Variants in PPP2R2D observed in about 807,000 individuals in gnomAD.
PPP2R2D encodes protein phosphatase 2 regulatory subunit Bdelta.
Under a neutral mutation model 31.1 loss-of-function variants are expected in PPP2R2D, and 9 were observed. The observed-to-expected ratio is 0.29, with a 90% CI of 0.17 to 0.51. The LOEUF is 0.51. PPP2R2D is among the 20% of genes least tolerant of loss of function. The pLI is 0.98. For synonymous variants in PPP2R2D, 179 were observed against 172.6 expected (o/e 1.04, Z -0.29); for missense variants, 391 against 465.6 (o/e 0.84, Z 1.48).
At chr10:131,944,960 G>T (rs781853480) in intron 6 of PPP2R2D, among the ~76,000 whole-genome samples, 15 of 152,122 alleles carry the variant, frequency 9.9e-5, no homozygotes, top group Non-Finnish European at 2.2e-4. Flanking sequence ...TGCACAGATG[G>T]TACTAGCTTG....
At chr10:131,952,486 CGG>C (rs1274073646) in intron 8 of PPP2R2D, among the ~76,000 whole-genome samples, 1 of 33,530 alleles carries the variant, frequency 3.0e-5, no homozygotes, top group African/African-American at 1.3e-4. Context: ...ACTTGGTGTG[CGG>C]GGGGGTTCAC....
chr10:131,901,987 C>T (rs1357689823), intron 2 of PPP2R2D, among the ~76,000 whole-genome samples: 1 of 152,164 alleles, frequency 6.6e-6, no homozygotes, highest in African/African-American at 2.4e-5. Context: ...ACTTGAAGTT[C>T]ACTGGTCTTT....
chr10:131,907,469 A>G (rs971217657), intron 2 of PPP2R2D, among the ~76,000 whole-genome samples: 2 of 152,162 alleles, frequency 1.3e-5, no homozygotes, highest in African/African-American at 4.8e-5. Context: ...CGCCGGGCGC[A>G]GTGGTTCACG....
chr10:131,926,877 G>A (rs1207959333), intron 2 of PPP2R2D, among the ~76,000 whole-genome samples: 7 of 152,210 alleles, frequency 4.6e-5, no homozygotes, highest in African/African-American at 1.7e-4. Flanking sequence ...GTGGGTAATG[G>A]TAGGAAACGA....
In PPP2R2D at chr10:131,947,865, C is replaced by G; in HGVS notation, c.1082+74C>G. ...GAGAGTGCAAGGTCAGTGAGGGAGGCGAGCTGTCCTCCAGCGTCAGAGGAG... is the reference window on the plus strand; with the variant it reads ...GAGAGTGCAAGGTCAGTGAGGGAGGGGAGCTGTCCTCCAGCGTCAGAGGAG... On this transcript the variant is annotated intron_variant, in intron 8 of 8. Transcript: ENST00000455566. The surrounding 1 kb of genome is among the most constrained non-coding windows in gnomAD (Gnocchi z 4.3). 6.4e-7 allele frequency: 1 copy of G among 1,562,052 alleles called. No homozygotes were observed. The highest frequency in any genetic ancestry group is 8.7e-7 in the Non-Finnish European group (1 of 1,146,804).
intron 2 of PPP2R2D, among the ~76,000 whole-genome samples, chr10:131,920,303 A>G (rs1334715220): frequency 3.7e-5 from 5 of 135,096 alleles, no homozygotes; most frequent in Non-Finnish European, 4.6e-5. Flanking sequence ...GTGGAATGAC[A>G]CAGTGTAGGG....
chr10:131,953,197 A>G, intron 8 of PPP2R2D, among the ~76,000 whole-genome samples: 1 of 19,972 alleles, frequency 5.0e-5, no homozygotes, highest in Non-Finnish European at 7.9e-5. Flanking sequence ...TCACTGTCTT[A>G]GCAGTGACTT....
At chr10:131,934,797 T>C (rs2036308903) in intron 3 of PPP2R2D, 2 of 558,864 alleles carry the variant, frequency 3.6e-6, no homozygotes, top group Non-Finnish European at 6.8e-6. Flanking sequence ...GGGGACCCCA[T>C]GAAGGATGCA....
downstream of PPP2R2D, among the ~76,000 whole-genome samples, chr10:131,960,913 A>G (rs1179569322): frequency 3.9e-5 from 6 of 152,142 alleles, no homozygotes; most frequent in African/African-American, 1.4e-4. Flanking sequence ...GGCTTGCTGT[A>G]TGAGGGCGTG....
chr10:131,927,093 C>T (rs939653614), intron 2 of PPP2R2D, among the ~76,000 whole-genome samples: 5 of 152,132 alleles, frequency 3.3e-5, no homozygotes, highest in African/African-American at 7.2e-5. Context: ...GTGTCTTTGA[C>T]GGGGAGATTA....
rs545945260 is a variant in PPP2R2D at position 131,940,404 on chromosome 10, G to A, written c.365-178G>A. Among the ~76,000 whole-genome samples, 11 of 152,242 alleles carry A rather than the reference G, an allele frequency of 7.2e-5. No homozygotes were observed. In the South Asian group the frequency reaches 1.7e-3, roughly 23 times the overall value. ...ACTTTATTATGCTGTTACTCTGCACGTCTGCACATCTTTCTTTATTGTACA... is the reference window on the plus strand; with the variant it reads ...ACTTTATTATGCTGTTACTCTGCACATCTGCACATCTTTCTTTATTGTACA... On this transcript the variant is annotated intron_variant, in intron 4 of 8. Coordinates refer to ENST00000455566, the MANE Select transcript of PPP2R2D (RefSeq NM_018461.5).
chr10:131,921,252 CAG>C (rs1687671546), intron 2 of PPP2R2D, among the ~76,000 whole-genome samples: 1 of 152,162 alleles, frequency 6.6e-6, no homozygotes, highest in African/African-American at 2.4e-5. Flanking sequence ...GGGGAGAGGC[CAG>C]AGAGGCTTTG....
In PPP2R2D at chr10:131,947,387, G is replaced by C; in HGVS notation, c.821-143G>C. ...GTCACAGAAGATCAGAAAACCTAGAGAATCAGAAAGATCAGAAGACCTAGT... is the reference window on the plus strand; with the variant it reads ...GTCACAGAAGATCAGAAAACCTAGACAATCAGAAAGATCAGAAGACCTAGT... On this transcript the variant is annotated intron_variant, in intron 7 of 8. Coordinates refer to ENST00000455566, the MANE Select transcript of PPP2R2D (RefSeq NM_018461.5). The surrounding 1 kb of genome is among the most constrained non-coding windows in gnomAD (Gnocchi z 4.3). The C allele has an allele frequency of 1.2e-6, 1 of 837,160 alleles. No homozygotes were observed. Among genetic ancestry groups the C allele is most frequent in the Non-Finnish European group, 1.8e-6 (1 of 553,778 alleles). 51.9% of individuals were successfully genotyped at this position (837,160 alleles called of 1,614,324 possible). A position where few individuals can be genotyped will look rare whatever the true frequency, so the allele number is the denominator to read the frequency against.
the PPP2R2D span, chr10:131,968,754 TTTTGTATTAATTAACTTAG>T: frequency 1.9e-6 from 1 of 522,914 alleles, no homozygotes; most frequent in South Asian, 2.5e-5. Context: ...TCAATATGTA[TTTTGTATTAATTAACTTAG>T]AAAACATCAG....
At chr10:131,911,740 C>T (rs1028158565) in intron 2 of PPP2R2D, 1 of 133,990 alleles carries the variant, frequency 7.5e-6, no homozygotes, top group Non-Finnish European at 1.6e-5. Flanking sequence ...GGTTCTTGAC[C>T]GTTGCACCCT....
Position 131,945,088 on chromosome 10 carries a change from C to T in PPP2R2D, c.656-207C>T, listed in dbSNP as rs80150590. Reference sequence around the variant, plus strand: ...CGCTTGTCTGTGTCTCCCCCTGGGCCGGGGCGTTGCTGTAGTCTGAGTGTG... The same window carrying T: ...CGCTTGTCTGTGTCTCCCCCTGGGCTGGGGCGTTGCTGTAGTCTGAGTGTG... On this transcript the variant is annotated intron_variant, in intron 6 of 8. Coordinates refer to ENST00000455566, the MANE Select transcript of PPP2R2D (RefSeq NM_018461.5). This position sits in a 1 kb window ranked among gnomAD's most constrained non-coding sequence, Gnocchi z 4.8. Among the ~76,000 whole-genome samples the T allele has an allele frequency of 0.012, 1,891 of 152,260 alleles. 23 individuals are homozygous for T. Among genetic ancestry groups the T allele is most frequent in the African/African-American group, 0.036 (1,498 of 41,550 alleles).
At chr10:131,940,448 A>G (rs971267323) in intron 4 of PPP2R2D, 134 bp from the exon 5 acceptor site, 16 of 606,680 alleles carry the variant, frequency 2.6e-5, no homozygotes, top group Admixed American at 9.0e-5. Flanking sequence ...CCAATTGGAA[A>G]TATTCATGTT....
chr10:131,912,183 C>G (rs2035695960), intron 2 of PPP2R2D: 1 of 152,098 alleles, frequency 6.6e-6, no homozygotes, highest in Non-Finnish European at 1.5e-5. Flanking sequence ...TTTGCTACTT[C>G]TTTTCCTTTC....
intron 2 of PPP2R2D, among the ~76,000 whole-genome samples, chr10:131,932,097 A>G (rs990940858): frequency 6.6e-6 from 1 of 152,156 alleles, no homozygotes. Context: ...ATGGCCCACC[A>G]TGTTCGGCGG....
Sources: allele counts gnomAD v4.1 joint callset (sites outside exome capture counted in the v4.1 genomes callset), GRCh38; gene constraint gnomAD v4.1.1; non-coding constraint Gnocchi (gnomAD v3.1); transcripts MANE v1.5; gene names NCBI Gene and HGNC (gene_info 2026-07-23, HGNC 2026-07-21).